GRIN3A: variants seen among roughly 807,000 people sequenced by gnomAD.
GRIN3A encodes glutamate receptor ionotropic, NMDA 3A.
Under a neutral mutation model 92.4 loss-of-function variants are expected in GRIN3A, and 47 were observed. That is an observed-to-expected ratio of 0.51 (90% confidence interval 0.40 to 0.65). The LOEUF (loss-of-function observed/expected upper bound fraction) is 0.65, where lower values mean the gene tolerates loss of function less well. Among genes scored for constraint, GRIN3A ranks in the 30% least tolerant of loss-of-function variants. The probability of loss-of-function intolerance (pLI) is 0.00; values close to 1 mark genes in which losing one functional copy is unlikely to be tolerated. For synonymous variants in GRIN3A, 527 were observed against 540.6 expected (o/e 0.97, Z 0.35); for missense variants, 1,324 against 1,393.1 (o/e 0.95, Z 0.79).
intron 1 of GRIN3A, among the ~76,000 whole-genome samples, chr9:101,695,592 G>T (rs918521021): frequency 2.0e-5 from 3 of 152,090 alleles, no homozygotes; most frequent in African/African-American, 7.2e-5. Context: ...AAAGAGAGGA[G>T]GTGGCTGGAA....
chr9:101,577,639 G>T, intron 8 of GRIN3A, 129 bp downstream of exon 8: 2 of 750,308 alleles, frequency 2.7e-6, no homozygotes, highest in Admixed American at 2.0e-5. Context: ...TTTATTTTAT[G>T]TTTTATTTCC....
intron 1 of GRIN3A, among the ~76,000 whole-genome samples, chr9:101,735,272 A>T (rs1449511369): frequency 6.6e-6 from 1 of 151,946 alleles, no homozygotes; most frequent in Non-Finnish European, 1.5e-5. Flanking sequence ...CCCTTTCAAG[A>T]TGTGTGCCAT....
At chr9:101,621,962 ATGT>A (rs1239179853) in intron 5 of GRIN3A, among the ~76,000 whole-genome samples, 1 of 152,166 alleles carries the variant, frequency 6.6e-6, no homozygotes, top group Admixed American at 6.5e-5. Context: ...TATATACTGA[ATGT>A]TGTTTATTTT....
chr9:101,699,718 C>T (rs1829731216), intron 1 of GRIN3A, among the ~76,000 whole-genome samples: 1 of 152,160 alleles, frequency 6.6e-6, no homozygotes, highest in Admixed American at 6.6e-5. Flanking sequence ...TATATATCCC[C>T]ATGTATTCTA....
chr9:101,706,586 T>C (rs1829818462), intron 1 of GRIN3A, among the ~76,000 whole-genome samples: 1 of 152,226 alleles, frequency 6.6e-6, no homozygotes, highest in Non-Finnish European at 1.5e-5. Context: ...CTGCATTTGA[T>C]TTATGACACA....
At chr9:101,710,316 A>G (rs1258409189) in intron 1 of GRIN3A, among the ~76,000 whole-genome samples, 1 of 152,226 alleles carries the variant, frequency 6.6e-6, no homozygotes, top group South Asian at 2.1e-4. Context: ...ATTTTGGAGA[A>G]TTCTTACTGA....
intron 6 of GRIN3A, 28 bp from the exon 7 acceptor site, chr9:101,579,388 A>C: frequency 6.2e-7 from 1 of 1,611,362 alleles, no homozygotes; most frequent in Non-Finnish European, 8.5e-7. Context: ...AGAAAAGGCC[A>C]TGAATACAAT....
At chr9:101,578,307 T>C (rs1827851528) in intron 7 of GRIN3A, among the ~76,000 whole-genome samples, 1 of 151,684 alleles carries the variant, frequency 6.6e-6, no homozygotes, top group African/African-American at 2.4e-5. Flanking sequence ...AGGATAAAAG[T>C]AGGAAGAACA....
rs532770029 is a variant in GRIN3A, at chr9:101,572,934, A to G, written c.*240T>C. On this transcript the variant is annotated 3_prime_UTR_variant, in exon 9 of 9. Transcript: ENST00000361820. The stretch of plus-strand genomic sequence containing the variant: ...ATCTGGTTATTCACAGATCTCTCGC[A>G]CAGAGCTTACTCCTGACTAAGATTC... The G allele has an allele frequency of 1.0e-4, 55 of 536,864 alleles. No individual in the cohort carries two copies. The South Asian group carries it at 1.1e-3, about 11-fold the overall frequency. The allele number at this position is 536,864 out of a possible 1,614,324, so 33.3% of individuals were successfully genotyped here.
At chr9:101,586,698 C>A (rs1827955038) in intron 6 of GRIN3A, among the ~76,000 whole-genome samples, 1 of 152,128 alleles carries the variant, frequency 6.6e-6, no homozygotes, top group Admixed American at 6.6e-5. Flanking sequence ...TCTTAGGATC[C>A]TTTCTTTGGG....
At chr9:101,618,496 C>G (rs935822529) in intron 5 of GRIN3A, among the ~76,000 whole-genome samples, 27 of 152,192 alleles carry the variant, frequency 1.8e-4, no homozygotes, top group Middle Eastern at 3.4e-3. Flanking sequence ...ACCACAATGA[C>G]ATACCATCTC....
At position 101,572,365 on chromosome 9, in the gene GRIN3A, A is replaced by AG. The variant is rs1441128758; in HGVS notation, c.*808dup. Reference sequence around the variant, plus strand: ...TTCCTTTATAAAAGGCACACACCATAGTGGAGATGCTTAGTTACATTAGAA... The same window carrying AG: ...TTCCTTTATAAAAGGCACACACCATAGGTGGAGATGCTTAGTTACATTAGAA... On this transcript the variant is annotated 3_prime_UTR_variant, in exon 9 of 9. Transcript: ENST00000361820. 1 of 152,666 alleles carries AG rather than the reference A, an allele frequency of 6.6e-6. No individual in the cohort carries two copies. The highest frequency in any genetic ancestry group is 1.5e-5 in the Non-Finnish European group (1 of 68,092). 9.5% of individuals were successfully genotyped at this position (152,666 alleles called of 1,614,324 possible). A position where few individuals can be genotyped will look rare whatever the true frequency, so the allele number is the denominator to read the frequency against.
chr9:101,693,231 C>A (rs931906709), intron 1 of GRIN3A, among the ~76,000 whole-genome samples: 1 of 126,730 alleles, frequency 7.9e-6, no homozygotes, highest in Non-Finnish European at 1.6e-5. Context: ...TGGTGAAACC[C>A]CATCTCAGCT....
At chr9:101,721,175 C>A (rs1564152289) in intron 1 of GRIN3A, among the ~76,000 whole-genome samples, 1 of 152,148 alleles carries the variant, frequency 6.6e-6, no homozygotes, top group East Asian at 1.9e-4. Flanking sequence ...GTAATTGAAT[C>A]ATGGGGGCCA....
At position 101,686,622 on chromosome 9, in the gene GRIN3A, A is replaced by T. The variant is rs761123377; in HGVS notation, c.1278T>A (p.Asn426Lys). 3.8e-5 allele frequency: 61 copies of T among 1,614,008 alleles called. No individual in the cohort carries two copies. Among genetic ancestry groups the T allele is most frequent in the Non-Finnish European group, 5.0e-5 (59 of 1,180,020 alleles). Residue 426 changes from asparagine to lysine, a missense_variant, in exon 2 of 9, where the codon AAT (asparagine) becomes AAA (lysine). Physicochemically the swap from Asn to Lys is moderately conservative, Grantham distance 94. Coordinates refer to ENST00000361820, the MANE Select transcript of GRIN3A (RefSeq NM_133445.3). ...TMNCMEVETT[N>K]LTSGQYLSRF... is the part of the protein sequence containing the mutation. ...TTGATAAATATTGTCCTGAAGTGAG[A>T]TTTGTAGTTTCCACCTCCATGCAGT...
chr9:101,700,850 G>A (rs1829743698), intron 1 of GRIN3A, among the ~76,000 whole-genome samples: 1 of 152,116 alleles, frequency 6.6e-6, no homozygotes, highest in Non-Finnish European at 1.5e-5. Context: ...AGAAGAAAAT[G>A]TTAAGAGAAA....
chr9:101,723,762 C>T (rs1830044366), intron 1 of GRIN3A, among the ~76,000 whole-genome samples: 1 of 152,166 alleles, frequency 6.6e-6, no homozygotes, highest in African/African-American at 2.4e-5. Flanking sequence ...TAGCTAGATA[C>T]AGAGTGTCGA....
rs776071976 is a variant in GRIN3A, at chr9:101,737,349, A to G, written c.631T>C (p.Leu211=). 296 of 1,614,104 alleles carry G rather than the reference A, an allele frequency of 1.8e-4. 2 individuals carry two copies. The highest frequency in any genetic ancestry group is 3.4e-5 in the Non-Finnish European group (40 of 1,180,042). Residue 211 remains leucine (L), a synonymous_variant, in exon 1 of 9, where the codon TTG becomes CTG. Transcript: ENST00000361820. Reference sequence around the variant, plus strand: ...GGAATGTGCAGGACTAAGCTGACCAAGTCGAGCTCCATCATTTCGCCCTGG... The same window carrying G: ...GGAATGTGCAGGACTAAGCTGACCAGGTCGAGCTCCATCATTTCGCCCTGG... The part of the protein sequence containing the change: ...QSQGEMMELD[L]VSLVLHIPVI...
intron 3 of GRIN3A, among the ~76,000 whole-genome samples, chr9:101,637,027 T>C (rs902658291): frequency 6.6e-6 from 1 of 152,198 alleles, no homozygotes; most frequent in Non-Finnish European, 1.5e-5. Flanking sequence ...ATCTTAGTGG[T>C]GGCTGTAGGA....
Sources: allele counts gnomAD v4.1 joint callset (sites outside exome capture counted in the v4.1 genomes callset), GRCh38; gene constraint gnomAD v4.1.1; transcripts MANE v1.5; gene names NCBI Gene and HGNC (gene_info 2026-07-23, HGNC 2026-07-21).